ERCC3: variants seen among roughly 807,000 people sequenced by gnomAD.
The protein encoded by ERCC3 is ERCC excision repair 3, TFIIH core complex helicase subunit.
A neutral mutation model predicts 94.2 loss-of-function variants in ERCC3; 66 were observed. The observed-to-expected ratio is 0.70, with a 90% confidence interval of 0.57 to 0.86. ERCC3 has a LOEUF of 0.86. Among genes scored for constraint, ERCC3 ranks in the 40% least tolerant of loss-of-function variants. ERCC3 has a pLI of 0.00. For synonymous variants in ERCC3, 349 were observed against 369.1 expected (o/e 0.95, Z 0.63); for missense variants, 829 against 987.1 (o/e 0.84, Z 2.15).
rs2104734500 is a variant in ERCC3 at position 127,262,839 on chromosome 2, G to C, written c.1946-1493C>G. The C allele has an allele frequency of 3.3e-5, 5 of 152,288 alleles. 2 individuals are homozygous for C. Among genetic ancestry groups the C allele is most frequent in the Admixed American group, 3.3e-4 (5 of 15,286 alleles). The allele number at this position is 152,288 out of a possible 1,614,324, so 9.4% of individuals were successfully genotyped here. On this transcript the variant is annotated intron_variant, in intron 12 of 14. Coordinates refer to ENST00000285398, the MANE Select transcript of ERCC3 (RefSeq NM_000122.2). ...CCATTATGAGTTGATTTTTGTATGTGGTGATAGGCAGGGGTCTGGTTTCAT... is the reference window on the plus strand; with the variant it reads ...CCATTATGAGTTGATTTTTGTATGTCGTGATAGGCAGGGGTCTGGTTTCAT...
intron 8 of ERCC3, among the ~76,000 whole-genome samples, chr2:127,283,033 G>T (rs1573953025): frequency 1.3e-5 from 2 of 148,998 alleles, no homozygotes; most frequent in East Asian, 4.0e-4. Flanking sequence ...TGTGGGTAGT[G>T]ATTCTCTGTA....
At chr2:127,289,571 T>C (rs1685195394) in intron 5 of ERCC3, 70 bp from the exon 6 acceptor site, 4 of 1,602,512 alleles carry the variant, frequency 2.5e-6, no homozygotes, top group African/African-American at 2.7e-5. Context: ...ATGGGTGAAG[T>C]TGTAAAGGGT....
Position 127,259,388 on chromosome 2 carries a change from G to A in ERCC3, c.2125C>T (p.Gln709Ter). 6.2e-7 allele frequency: 1 copy of A among 1,614,166 alleles called. No individual in the cohort carries two copies. The highest frequency in any genetic ancestry group is 8.5e-7 in the Non-Finnish European group (1 of 1,180,032). ...EDLAFSTKEE[Q>*]QQLLQKVLAA... Reference sequence around the variant, plus strand: ...AGGACTTTCTGTAAGAGCTGCTGTTGCTCTTCTTTTGTCGAAAACGCCAAG... The same window carrying A: ...AGGACTTTCTGTAAGAGCTGCTGTTACTCTTCTTTTGTCGAAAACGCCAAG... Residue 709 changes from glutamine to a stop codon, truncating the protein, a stop_gained, in exon 14 of 15, where the codon CAA becomes TAA. Coordinates refer to ENST00000285398, the MANE Select transcript of ERCC3 (RefSeq NM_000122.2). LOFTEE classifies it high-confidence loss of function. This position sits in a 1 kb window ranked among gnomAD's most constrained non-coding sequence, Gnocchi z 4.9.
intron 6 of ERCC3, among the ~76,000 whole-genome samples, chr2:127,289,129 T>C (rs890836093): frequency 1.1e-4 from 16 of 152,132 alleles, no homozygotes; most frequent in Non-Finnish European, 1.9e-4. Context: ...AAGACCAGCC[T>C]ACCAGCCTGA....
At chr2:127,290,754 G>A (rs1312355040) in intron 3 of ERCC3, 1 of 248,060 alleles carries the variant, frequency 4.0e-6, no homozygotes, top group Non-Finnish European at 7.9e-6. Context: ...CCTTTAGGAA[G>A]GAATACAGTA....
At chr2:127,293,773 G>C (rs1685365312) in intron 1 of ERCC3, 55 bp from the exon 2 acceptor site, 3 of 1,603,124 alleles carry the variant, frequency 1.9e-6, no homozygotes, top group Middle Eastern at 1.7e-4. Context: ...GGTTCCCTCC[G>C]CACCGCTTGG....
At position 127,289,782 on chromosome 2, in the gene ERCC3, A is replaced by G. The variant is rs776467514; in HGVS notation, c.564T>C (p.Leu188=). The G allele has an allele frequency of 6.2e-7, 1 of 1,614,090 alleles. No homozygotes were observed. Among genetic ancestry groups the G allele is most frequent in the East Asian group, 2.2e-5 (1 of 44,876 alleles). The change falls in exon 5 of 15, where the codon CTT becomes CTC. Residue 188 remains leucine (L), a synonymous_variant. Coordinates refer to ENST00000285398, the MANE Select transcript of ERCC3 (RefSeq NM_000122.2). ...ATTCTCGGATCACGGGGTCCTGGAG[A>G]AGATGCTGGATTACATCAGGGTGGC... ...ESCHPDVIQH[L]LQDPVIRECR...
chr2:127,290,406 A>G (rs914803812), intron 3 of ERCC3, 133 bp from the exon 4 acceptor site: 8 of 782,442 alleles, frequency 1.0e-5, no homozygotes, highest in Middle Eastern at 3.3e-4. Context: ...TTGCAATCCT[A>G]AAGTGGTCAG....
intron 3 of ERCC3, chr2:127,292,337 A>C (rs1245698858): frequency 1.9e-6 from 1 of 534,940 alleles, no homozygotes; most frequent in East Asian, 3.4e-5. Flanking sequence ...CTCTGTGTTA[A>C]TACCCACAGC....
At chr2:127,268,741 G>A (rs932460949) in intron 12 of ERCC3, among the ~76,000 whole-genome samples, 1 of 152,080 alleles carries the variant, frequency 6.6e-6, no homozygotes, top group Non-Finnish European at 1.5e-5. Flanking sequence ...TATGTGCTCT[G>A]GGGATGATCA....
chr2:127,272,564 T>C (rs760301637), intron 11 of ERCC3, among the ~76,000 whole-genome samples: 11 of 152,068 alleles, frequency 7.2e-5, no homozygotes, highest in Non-Finnish European at 1.6e-4. Context: ...TTTGCCAGAG[T>C]AGGAAATGAA....
chr2:127,288,752 G>A lies in ERCC3; in HGVS notation c.935C>T (p.Pro312Leu), dbSNP rs1277701138. ...CTGATAGGGTCTGAGGACAGCTGTG[G>A]GCTTTAGGTCAATGTTGATATCAGG... ...VNPDINIDLK[P>L]TAVLRPYQEK... Residue 312 changes from proline (P) to leucine (L), a missense_variant, in exon 7 of 15, where the codon CCC becomes CTC. Pro to Leu is a moderately conservative substitution (Grantham distance 98). Transcript: ENST00000285398. 1.2e-6 allele frequency: 2 copies of A among 1,613,988 alleles called. No homozygotes were observed. The highest frequency in any genetic ancestry group is 2.2e-5 in the South Asian group (2 of 91,078).
chr2:127,272,245 G>A (rs948803236), intron 11 of ERCC3, among the ~76,000 whole-genome samples: 3 of 151,812 alleles, frequency 2.0e-5, no homozygotes, highest in Non-Finnish European at 2.9e-5. Flanking sequence ...GGCTGGTCTC[G>A]AACTCCTGAC....
Position 127,284,983 on chromosome 2 carries a change from C to T in ERCC3, c.1342+1720G>A, listed in dbSNP as rs1487392693. Among the ~76,000 whole-genome samples, 2 of 152,106 alleles carry T rather than the reference C, an allele frequency of 1.3e-5. No individual in the cohort carries two copies. Among genetic ancestry groups the T allele is most frequent in the Non-Finnish European group, 2.9e-5 (2 of 68,026 alleles). On this transcript the variant is annotated intron_variant, in intron 8 of 14. Transcript: ENST00000285398. The surrounding 1 kb of genome is among the most constrained non-coding windows in gnomAD (Gnocchi z 4.1). The stretch of plus-strand genomic sequence containing the variant: ...AGACTACAGGTGTCAGCCACCATGC[C>T]CACTCCTAATTTGTTAATCTTAATC...
chr2:127,266,051 C>CA, intron 12 of ERCC3, among the ~76,000 whole-genome samples: 1 of 150,826 alleles, frequency 6.6e-6, no homozygotes, highest in South Asian at 2.1e-4. Context: ...CATTCAGGAG[C>CA]AAGTTGTTTA....
intron 2 of ERCC3, 22 bp downstream of exon 2, chr2:127,293,491 C>T: frequency 6.2e-7 from 1 of 1,611,308 alleles, no homozygotes; most frequent in Non-Finnish European, 8.5e-7. Flanking sequence ...CTGGGCCCTG[C>T]CCAAGCTAAG....
At chr2:127,261,121 C>G in intron 13 of ERCC3, 107 bp downstream of exon 13, 2 of 774,416 alleles carry the variant, frequency 2.6e-6, no homozygotes, top group Non-Finnish European at 4.8e-6. Context: ...CTCTAATCTC[C>G]TAATGCTTGG....
intron 12 of ERCC3, among the ~76,000 whole-genome samples, chr2:127,269,726 T>C (rs1684491439): frequency 6.7e-6 from 1 of 149,366 alleles, no homozygotes; most frequent in Admixed American, 6.7e-5. Context: ...TGGCCTTCTA[T>C]TCACATTTAA....
chr2:127,286,665 T>C, intron 8 of ERCC3, 38 bp downstream of exon 8: 1 of 1,601,016 alleles, frequency 6.2e-7, no homozygotes, highest in Non-Finnish European at 8.6e-7. Context: ...TTGGTTTGTC[T>C]GTTCAGCAAG....
Sources: allele counts gnomAD v4.1 joint callset (sites outside exome capture counted in the v4.1 genomes callset), GRCh38; gene constraint gnomAD v4.1.1; non-coding constraint Gnocchi (gnomAD v3.1); transcripts MANE v1.5; gene names NCBI Gene and HGNC (gene_info 2026-07-23, HGNC 2026-07-21).